The following APOLD1 variants were observed in gnomAD, a reference collection of about 807,000 sequenced individuals.
APOLD1 encodes apolipoprotein L domain containing 1.
APOLD1 carries 22 observed loss-of-function variants against 15.3 expected under a neutral mutation model. That is an observed-to-expected ratio of 1.44 (90% CI 1.03 to 2.05). The LOEUF is 2.05. Ranked by LOEUF, APOLD1 falls within the 30% of genes most tolerant of loss-of-function variation. APOLD1 has a pLI of 0.00. For missense variants in APOLD1, 394 were observed against 353.5 expected (o/e 1.11, Z -0.92); for synonymous variants, 190 against 167.4 (o/e 1.13, Z -1.04).
rs1235899922 is a variant in APOLD1, at chr12:12,779,624, AT to A, written c.97-7284del. 4.6e-5 allele frequency among the ~76,000 whole-genome samples: 7 copies of A among 152,200 alleles called. No homozygotes were observed. The East Asian group carries it at 1.3e-3, about 29-fold the overall frequency. ...AAAGAAATAATCCAAAGGAAAAAAA[AT>A]GTACACAGATGTCCTGGCAACTCTA... On this transcript the variant is annotated intron_variant, in intron 1 of 1. Coordinates refer to the APOLD1 transcript ENST00000326765.
intron 1 of APOLD1, among the ~76,000 whole-genome samples, chr12:12,771,002 G>A (rs1045941708): frequency 2.6e-5 from 4 of 152,046 alleles, no homozygotes; most frequent in East Asian, 3.8e-4. Context: ...AATTCTGTAC[G>A]CTGTGAAATC....
rs2136402247 is a variant in APOLD1 at position 12,786,910 on chromosome 12, G to A, written c.5G>A (p.Gly2Glu). Reference protein sequence around the residue: MGMERPAAREPH... With the variant: MEMERPAAREPH... ...GACCGCGTGTCTATGTCCCCGCAGG[G>A]AATGGAGAGGCCGGCGGCCCGGGAG... Residue 2 changes from glycine to glutamate, a missense_variant and splice_region_variant, in exon 2 of 2, where the codon GGA becomes GAA. Transcript: ENST00000356591. The A allele has an allele frequency of 6.9e-7, 1 of 1,443,268 alleles. No individual in the cohort carries two copies. The highest frequency in any genetic ancestry group is 9.0e-7 in the Non-Finnish European group (1 of 1,106,788). The allele number at this position is 1,443,268 out of a possible 1,614,324, so 89.4% of individuals were successfully genotyped here. A position where few individuals can be genotyped will look rare whatever the true frequency, so the allele number is the denominator to read the frequency against.
Position 12,787,139 on chromosome 12 carries a change from G to A in APOLD1, c.234G>A (p.Pro78=). The A allele has an allele frequency of 6.7e-7, 1 of 1,490,440 alleles. No individual in the cohort carries two copies. Among genetic ancestry groups the A allele is most frequent in the Non-Finnish European group, 8.8e-7 (1 of 1,131,914 alleles). The allele number at this position is 1,490,440 out of a possible 1,614,324, so 92.3% of individuals were successfully genotyped here. A position where few individuals can be genotyped will look rare whatever the true frequency, so the allele number is the denominator to read the frequency against. ...CCATCGTGGGGCTCTCGCTCAGCCCGGTCACCCTGGGGACCTCGCTGCTGG... is the reference window on the plus strand; with the variant it reads ...CCATCGTGGGGCTCTCGCTCAGCCCAGTCACCCTGGGGACCTCGCTGCTGG... ...LAAIVGLSLS[P]VTLGTSLLVS... is the part of the protein sequence containing the mutation. Residue 78 remains proline, a synonymous_variant, in exon 2 of 2, where the codon CCG becomes CCA. Transcript: ENST00000356591. This position sits in a 1 kb window ranked among gnomAD's most constrained non-coding sequence, Gnocchi z 4.9.
chr12:12,753,731 A>C (rs1946833077), intron 1 of APOLD1, among the ~76,000 whole-genome samples: 2 of 152,284 alleles, frequency 1.3e-5, no homozygotes, highest in South Asian at 4.1e-4. Flanking sequence ...CATTTAAATA[A>C]TTCGAAGAAT....
chr12:12,787,458 G>GA lies in APOLD1; in HGVS notation c.554dup (p.Asp187GlyfsTer5). 1 of 1,614,172 alleles carries GA rather than the reference G, an allele frequency of 6.2e-7. No homozygotes were observed. The highest frequency in any genetic ancestry group is 8.5e-7 in the Non-Finnish European group (1 of 1,180,040). ...TGGCTTCCTCATCCCCAGGCGGGCG[G>GA]AGGGGGACACCAAGGTTAGCCAGGC... On this transcript the variant is annotated frameshift_variant, in exon 2 of 2. Transcript: ENST00000356591. LOFTEE classifies it high-confidence loss of function. The surrounding 1 kb of genome is among the most constrained non-coding windows in gnomAD (Gnocchi z 4.9).
chr12:12,765,764 G>C (rs1274106172), intron 1 of APOLD1, among the ~76,000 whole-genome samples: 2 of 152,208 alleles, frequency 1.3e-5, no homozygotes, highest in Non-Finnish European at 2.9e-5. Flanking sequence ...CAGCTTCTCA[G>C]GAGGCTGAGG....
chr12:12,761,828 T>TAGAGAGAGAGAGAGAGAGAG lies in APOLD1; in HGVS notation c.97-25080_97-25079insGAGAGAGAGAGAGAGAGAGA, dbSNP rs1335110034. Among the ~76,000 whole-genome samples the TAGAGAGAGAGAGAGAGAGAG allele has an allele frequency of 2.4e-4, 5 of 20,694 alleles. 1 individual carries two copies. The South Asian group carries it at 3.1e-3, about 13-fold the overall frequency. 13.6% of individuals were successfully genotyped at this position (20,694 alleles called of 152,430 possible). On this transcript the variant is annotated intron_variant, in intron 1 of 1. Coordinates refer to the APOLD1 transcript ENST00000326765. Reference sequence around the variant, plus strand: ...ATGAACATATACATATATGTATATGTATAGAGAGAGAGAGAGAGAGAGAGA... The same window carrying TAGAGAGAGAGAGAGAGAGAG: ...ATGAACATATACATATATGTATATGTAGAGAGAGAGAGAGAGAGAGATAGAGAGAGAGAGAGAGAGAGAGA...
chr12:12,754,768 G>A (rs1474043115), intron 1 of APOLD1, among the ~76,000 whole-genome samples: 2 of 151,798 alleles, frequency 1.3e-5, no homozygotes. Context: ...GGCTGGACAT[G>A]GTGGCTCACA....
At chr12:12,772,895 T>C (rs1565435621) in intron 1 of APOLD1, among the ~76,000 whole-genome samples, 3 of 152,200 alleles carry the variant, frequency 2.0e-5, no homozygotes, top group African/African-American at 7.2e-5. Flanking sequence ...TTTATTCTTC[T>C]CAAGAGAAAA....
rs560095487 is a variant in APOLD1, at chr12:12,743,546, C to G, written c.96+17450C>G. On this transcript the variant is annotated intron_variant, in intron 1 of 1. Transcript: ENST00000326765. ...GAGTGGTTGCTCCCTTTCCCTTGTC[C>G]CTGCTTTGTTTTCTCCACAGCACTT... Among the ~76,000 whole-genome samples the G allele has an allele frequency of 8.5e-5, 13 of 152,218 alleles. No individual in the cohort carries two copies. The South Asian group carries it at 2.7e-3, about 32-fold the overall frequency.
chr12:12,775,000 A>G (rs1304235356), intron 1 of APOLD1, among the ~76,000 whole-genome samples: 6 of 152,252 alleles, frequency 3.9e-5, no homozygotes, highest in Admixed American at 3.9e-4. Flanking sequence ...AGCTACACAC[A>G]GATGCTTACC....
chr12:12,730,026 TTGTGTGTGTGTGTGTGTG>T (rs749843349), intron 1 of APOLD1, among the ~76,000 whole-genome samples: 2,011 of 117,794 alleles, frequency 0.017, 34 homozygotes, highest in Middle Eastern at 0.024. Context: ...CCAGCTAACT[TTGTGTGTGTGTGTGTGTG>T]TGTGTGTGTG....
rs1165646854 is a variant in APOLD1, at chr12:12,789,763, T to C, written c.*2111T>C. ...CATACATGCAAAAACGGTGCCTCTG[T>C]TACTTAATTATTTAATATTCTATAA... On this transcript the variant is annotated 3_prime_UTR_variant, in exon 2 of 2. Transcript: ENST00000356591. The C allele has an allele frequency of 6.6e-6, 1 of 152,216 alleles. No homozygotes were observed. The highest frequency in any genetic ancestry group is 1.5e-5 in the Non-Finnish European group (1 of 68,040). 9.4% of individuals were successfully genotyped at this position (152,216 alleles called of 1,614,324 possible). A position where few individuals can be genotyped will look rare whatever the true frequency, so the allele number is the denominator to read the frequency against.
chr12:12,778,532 T>C (rs560561656), intron 1 of APOLD1, among the ~76,000 whole-genome samples: 1 of 151,692 alleles, frequency 6.6e-6, no homozygotes, highest in Non-Finnish European at 1.5e-5. Context: ...CTCACTGTGT[T>C]GCCCAGGCTG....
At chr12:12,737,436 T>C (rs1024535644) in intron 1 of APOLD1, among the ~76,000 whole-genome samples, 10 of 152,308 alleles carry the variant, frequency 6.6e-5, no homozygotes, top group Non-Finnish European at 1.2e-4. Context: ...GAGGTATAAT[T>C]CCCAGTCCAA....
intron 1 of APOLD1, among the ~76,000 whole-genome samples, chr12:12,749,761 C>T (rs75280255): frequency 2.6e-5 from 4 of 152,250 alleles, no homozygotes; most frequent in Admixed American, 2.6e-4. Context: ...GTTTTTGAGC[C>T]GCTGCTCAGG....
chr12:12,786,270 C>G (rs898680055), intron 1 of APOLD1, among the ~76,000 whole-genome samples: 4 of 152,030 alleles, frequency 2.6e-5, no homozygotes, highest in African/African-American at 9.7e-5. Context: ...CCAAGGAGCC[C>G]TAGTTAGAAT....
intron 1 of APOLD1, among the ~76,000 whole-genome samples, chr12:12,747,322 C>T (rs758480987): frequency 6.6e-6 from 1 of 152,166 alleles, no homozygotes; most frequent in Non-Finnish European, 1.5e-5. Flanking sequence ...CCTGTCATTC[C>T]AGGTGAAGGG....
At chr12:12,771,379 C>A (rs1592305291) in intron 1 of APOLD1, 2 of 327,936 alleles carry the variant, frequency 6.1e-6, no homozygotes. Flanking sequence ...GCAATGGCTA[C>A]AATAGCCATA....
Sources: gnomAD v4.1 joint callset for allele counts (sites outside exome capture counted in the v4.1 genomes callset) on GRCh38, gnomAD v4.1.1 for gene constraint, Gnocchi (gnomAD v3.1) non-coding constraint, MANE v1.5 for transcripts, NCBI Gene and HGNC (gene_info 2026-07-23, HGNC 2026-07-21) for gene names.